Variants in CNTNAP4 observed in about 807,000 individuals in gnomAD.
CNTNAP4 encodes contactin associated protein family member 4.
Under a neutral mutation model 148.4 loss-of-function variants are expected in CNTNAP4, and 98 were observed. The ratio of observed to expected loss-of-function variants is 0.66; its 90% confidence interval spans 0.56 to 0.78. The LOEUF (loss-of-function observed/expected upper bound fraction) is 0.78. CNTNAP4 is among the 30% of genes least tolerant of loss of function. CNTNAP4 has a pLI of 0.00. For missense variants in CNTNAP4, 1,935 were observed against 1,565.6 expected (o/e 1.24, Z -3.98); for synonymous variants, 730 against 565.1 (o/e 1.29, Z -4.14).
intron 13 of CNTNAP4, among the ~76,000 whole-genome samples, chr16:76,492,797 C>G (rs2082270041): frequency 6.6e-6 from 1 of 152,134 alleles, no homozygotes; most frequent in African/African-American, 2.4e-5. Flanking sequence ...GCCTCCCCAG[C>G]CATGTGGAAC....
intron 3 of CNTNAP4, among the ~76,000 whole-genome samples, chr16:76,367,945 A>G (rs1460075505): frequency 2.6e-5 from 4 of 152,198 alleles, no homozygotes; most frequent in Non-Finnish European, 5.9e-5. Flanking sequence ...TGTGATAGCT[A>G]AATTTCACTG....
At chr16:76,407,040 G>T (rs1478843383) in intron 3 of CNTNAP4, among the ~76,000 whole-genome samples, 1 of 152,136 alleles carries the variant, frequency 6.6e-6, no homozygotes, top group Non-Finnish European at 1.5e-5. Context: ...AAGTCAATGT[G>T]TGACTTCAAA....
At chr16:76,330,211 A>G (rs1204875285) in intron 2 of CNTNAP4, among the ~76,000 whole-genome samples, 2 of 152,068 alleles carry the variant, frequency 1.3e-5, no homozygotes, top group Admixed American at 1.3e-4. Flanking sequence ...CATAGTTTCA[A>G]ATTCTTAGAA....
At chr16:76,285,703 A>T (rs961104769) in intron 1 of CNTNAP4, among the ~76,000 whole-genome samples, 1 of 152,162 alleles carries the variant, frequency 6.6e-6, no homozygotes, top group South Asian at 2.1e-4. Context: ...TATACTTTTT[A>T]GAAAAATTAT....
chr16:76,464,864 A>G (rs1484183949), intron 9 of CNTNAP4, among the ~76,000 whole-genome samples: 2 of 152,340 alleles, frequency 1.3e-5, no homozygotes, highest in African/African-American at 4.8e-5. Context: ...TTGTGGTGGT[A>G]CATTCTGCTC....
At chr16:76,345,800 A>G (rs917406820) in intron 2 of CNTNAP4, among the ~76,000 whole-genome samples, 5 of 152,212 alleles carry the variant, frequency 3.3e-5, no homozygotes, top group African/African-American at 9.6e-5. Context: ...AGAATTTACA[A>G]TATTAAGTTT....
At chr16:76,430,558 G>A (rs1189042832) in intron 4 of CNTNAP4, among the ~76,000 whole-genome samples, 1 of 152,158 alleles carries the variant, frequency 6.6e-6, no homozygotes, top group South Asian at 2.1e-4. Context: ...TGGGGAGTGG[G>A]TAGGGTTTCT....
chr16:76,292,651 A>T (rs1597098278), intron 1 of CNTNAP4, among the ~76,000 whole-genome samples: 1 of 152,124 alleles, frequency 6.6e-6, no homozygotes, highest in Admixed American at 6.5e-5. Flanking sequence ...CTCTCTTGGT[A>T]CTGATTTTGA....
intron 4 of CNTNAP4, among the ~76,000 whole-genome samples, chr16:76,447,806 A>G (rs926127359): frequency 6.6e-6 from 1 of 152,230 alleles, no homozygotes. Flanking sequence ...TTGGTGGGTT[A>G]CATGTATTAG....
chr16:76,364,221 G>A (rs368461848), intron 3 of CNTNAP4, among the ~76,000 whole-genome samples: 16 of 98,464 alleles, frequency 1.6e-4, no homozygotes, highest in South Asian at 1.5e-3. Flanking sequence ...GCAACAGAGC[G>A]AGATTCCATC....
chr16:76,286,790 C>T (rs1021530123), intron 1 of CNTNAP4, among the ~76,000 whole-genome samples: 1 of 152,144 alleles, frequency 6.6e-6, no homozygotes, highest in African/African-American at 2.4e-5. Flanking sequence ...AGGCAGAAAG[C>T]TGCAAGAATG....
chr16:76,483,360 T>C (rs565877321), intron 12 of CNTNAP4, among the ~76,000 whole-genome samples: 2 of 152,010 alleles, frequency 1.3e-5, no homozygotes, highest in East Asian at 3.9e-4. Flanking sequence ...AAATTACTCC[T>C]GGGGGAATCA....
At chr16:76,290,727 C>T (rs1365934257) in intron 1 of CNTNAP4, among the ~76,000 whole-genome samples, 2 of 152,192 alleles carry the variant, frequency 1.3e-5, no homozygotes, top group African/African-American at 4.8e-5. Flanking sequence ...AGCTTCACTC[C>T]TTCCCGATGT....
intron 18 of CNTNAP4, among the ~76,000 whole-genome samples, chr16:76,536,663 T>G (rs2084228261): frequency 6.6e-6 from 1 of 152,206 alleles, no homozygotes; most frequent in South Asian, 2.1e-4. Context: ...ATCATACATT[T>G]TATTGTATGA....
At chr16:76,413,057 A>G (rs2078853801) in intron 3 of CNTNAP4, among the ~76,000 whole-genome samples, 1 of 151,430 alleles carries the variant, frequency 6.6e-6, no homozygotes. Context: ...AACTAAGCAC[A>G]TCATGGATGG....
intron 3 of CNTNAP4, among the ~76,000 whole-genome samples, chr16:76,368,858 G>T (rs938769539): frequency 5.3e-5 from 8 of 151,904 alleles, no homozygotes; most frequent in African/African-American, 1.9e-4. Flanking sequence ...TAAAAATAAA[G>T]CTCCTCAGTT....
chr16:76,456,187 T>A (rs1436487455), intron 8 of CNTNAP4, among the ~76,000 whole-genome samples: 1 of 152,164 alleles, frequency 6.6e-6, no homozygotes, highest in Non-Finnish European at 1.5e-5. Flanking sequence ...ATTTATTGCT[T>A]ATTGCAACAC....
Position 76,461,939 on chromosome 16 carries a change from T to A in CNTNAP4, c.1334-17T>A. ...TTCACTATTGAGAGCGATCTCTAACTGATTTCATCTCCCTAGGTGTCGAAT... is the reference window on the plus strand; with the variant it reads ...TTCACTATTGAGAGCGATCTCTAACAGATTTCATCTCCCTAGGTGTCGAAT... On this transcript the variant is annotated splice_polypyrimidine_tract_variant and intron_variant, in intron 8 of 23. Coordinates refer to ENST00000611870, the MANE Select transcript of CNTNAP4 (RefSeq NM_033401.5). 6.2e-7 allele frequency: 1 copy of A among 1,612,386 alleles called. No individual in the cohort carries two copies. The highest frequency in any genetic ancestry group is 8.5e-7 in the Non-Finnish European group (1 of 1,178,658).
intron 7 of CNTNAP4, among the ~76,000 whole-genome samples, chr16:76,450,278 T>TAGCTGGG (rs1189566082): frequency 1.3e-5 from 2 of 152,066 alleles, no homozygotes; most frequent in Non-Finnish European, 2.9e-5. Context: ...GCCTCCTGAG[T>TAGCTGGG]AGCTGGGACT....
Sources: gnomAD v4.1 joint callset for allele counts (sites outside exome capture counted in the v4.1 genomes callset) on GRCh38, gnomAD v4.1.1 for gene constraint, MANE v1.5 for transcripts, NCBI Gene and HGNC (gene_info 2026-07-23, HGNC 2026-07-21) for gene names.